Variants in MLPH observed in about 807,000 individuals in gnomAD.
The protein encoded by MLPH is exophilin-3.
Under a neutral mutation model 72.1 loss-of-function variants are expected in MLPH, and 51 were observed. That is an observed-to-expected ratio of 0.71 (90% CI 0.56 to 0.89). The LOEUF (loss-of-function observed/expected upper bound fraction) is 0.89. Among genes scored for constraint, MLPH ranks in the 40% least tolerant of loss-of-function variants. The pLI, the probability that MLPH is intolerant of heterozygous loss-of-function variation, is 0.00. For synonymous variants in MLPH, 301 were observed against 310.1 expected, an observed-to-expected ratio of 0.97 and a Z score of 0.31; for missense variants, 743 against 759.9, an observed-to-expected ratio of 0.98 and a Z score of 0.26.
intron 7 of MLPH, among the ~76,000 whole-genome samples, chr2:237,526,641 G>T (rs1013859382): frequency 1.2e-4 from 19 of 152,188 alleles, no homozygotes; most frequent in African/African-American, 4.6e-4. Flanking sequence ...GCAGTCTGGG[G>T]GAGAGGCCAT....
intron 2 of MLPH, among the ~76,000 whole-genome samples, chr2:237,496,233 G>A (rs1310876842): frequency 6.6e-6 from 1 of 152,182 alleles, no homozygotes; most frequent in Non-Finnish European, 1.5e-5. Context: ...GGCGAATGCA[G>A]AGAAATGGAA....
chr2:237,540,663 G>A (rs2080657460), intron 10 of MLPH, 130 bp downstream of exon 10: 1 of 1,493,766 alleles, frequency 6.7e-7, no homozygotes, highest in African/African-American at 1.4e-5. Context: ...CCTTGATGGG[G>A]TCTGCAGCGG....
intron 4 of MLPH, among the ~76,000 whole-genome samples, chr2:237,513,824 G>A (rs541374782): frequency 1.3e-4 from 20 of 152,258 alleles, no homozygotes; most frequent in Non-Finnish European, 2.2e-4. Context: ...TCTCCTCAAG[G>A]CACTCACTGT....
intron 8 of MLPH, among the ~76,000 whole-genome samples, chr2:237,530,678 G>T (rs1052987653): frequency 5.3e-5 from 8 of 152,218 alleles, no homozygotes; most frequent in African/African-American, 1.4e-4. Flanking sequence ...GACAAGGCCT[G>T]CGTGAAGACT....
At chr2:237,521,928 G>A (rs2080193965) in intron 6 of MLPH, among the ~76,000 whole-genome samples, 1 of 114,894 alleles carries the variant, frequency 8.7e-6, no homozygotes, top group African/African-American at 3.5e-5. Flanking sequence ...TAGTGCTGGA[G>A]CGGAGCAGGG....
intron 6 of MLPH, 134 bp from the exon 7 acceptor site, chr2:237,525,467 C>A (rs137894445): frequency 3.7e-6 from 3 of 807,780 alleles, no homozygotes; most frequent in Non-Finnish European, 6.3e-6. Context: ...CAGGGGCCAG[C>A]GCAGATGGGT....
intron 8 of MLPH, chr2:237,527,758 T>C (rs2080335412): frequency 1.8e-6 from 1 of 555,124 alleles, no homozygotes; most frequent in Non-Finnish European, 3.2e-6. Context: ...TTCCATAGGA[T>C]CCAACAATTC....
Position 237,534,630 on chromosome 2 carries a change from G to C in MLPH, c.1087G>C (p.Val363Leu), listed in dbSNP as rs1315543167. 7 of 1,613,810 alleles carry C rather than the reference G, an allele frequency of 4.3e-6. No individual in the cohort carries two copies. The highest frequency in any genetic ancestry group is 2.7e-5 in the African/African-American group (2 of 74,932). Residue 363 changes from valine (V) to leucine (L), a missense_variant, in exon 9 of 16, where the codon GTG becomes CTG. Val to Leu is a conservative substitution (Grantham distance 32). Coordinates refer to ENST00000264605, the MANE Select transcript of MLPH (RefSeq NM_024101.7). ...GCTGACCTACCTGGAGAACACAGTT[G>C]TGCCTCCCTTGGCCAAGGTAACACT... Reference protein sequence around the residue: ...CLLTYLENTVVPPLAKGLGAG... With the variant: ...CLLTYLENTVLPPLAKGLGAG...
intron 2 of MLPH, among the ~76,000 whole-genome samples, chr2:237,503,831 C>G (rs534830994): frequency 3.9e-5 from 6 of 152,120 alleles, no homozygotes; most frequent in Non-Finnish European, 8.8e-5. Context: ...TAATCCCCCC[C>G]AAAAAGATGT....
At chr2:237,522,633 A>G (rs2080213879) in intron 6 of MLPH, among the ~76,000 whole-genome samples, 2 of 150,990 alleles carry the variant, frequency 1.3e-5, no homozygotes, top group East Asian at 2.0e-4. Flanking sequence ...TGGGCCTTCA[A>G]ACACCTGCTG....
chr2:237,510,636 A>G lies in MLPH; in HGVS notation c.173A>G (p.His58Arg). The G allele has an allele frequency of 6.2e-7, 1 of 1,613,778 alleles. No individual in the cohort carries two copies. The highest frequency in any genetic ancestry group is 8.5e-7 in the Non-Finnish European group (1 of 1,180,052). Residue 58 changes from histidine to arginine, a missense_variant, in exon 3 of 16, where the codon CAT becomes CGT. Physicochemically the swap from His to Arg is conservative, Grantham distance 29. Coordinates refer to ENST00000264605, the MANE Select transcript of MLPH (RefSeq NM_024101.7). The surrounding 1 kb of genome is among the most constrained non-coding windows in gnomAD (Gnocchi z 4.4). ...AGGGAGCTGCTTTCCGACACTGCCC[A>G]TCTGAACGAGACCCACTGCGCCCGC... is the stretch of plus-strand genomic sequence containing the variant. The part of the protein sequence containing the change: ...SKRELLSDTA[H>R]LNETHCARCL...
intron 4 of MLPH, among the ~76,000 whole-genome samples, chr2:237,511,786 C>T (rs1001248488): frequency 6.6e-6 from 1 of 152,120 alleles, no homozygotes; most frequent in Admixed American, 6.6e-5. Flanking sequence ...ATTTGAAATC[C>T]AGGCAGTAGG....
rs770000644 is a variant in MLPH, at chr2:237,541,693, T to C, written c.1446+736T>C. 1.9e-4 allele frequency among the ~76,000 whole-genome samples: 29 copies of C among 152,228 alleles called. No homozygotes were observed. The highest frequency in any genetic ancestry group is 3.7e-4 in the Non-Finnish European group (25 of 68,036). On this transcript the variant is annotated intron_variant, in intron 11 of 15. Coordinates refer to ENST00000264605, the MANE Select transcript of MLPH (RefSeq NM_024101.7). The surrounding 1 kb of genome is among the most constrained non-coding windows in gnomAD (Gnocchi z 5.1). The stretch of plus-strand genomic sequence containing the variant: ...TTAAATGCCTAGAATGTAGCCCACA[T>C]TGTGTAGGCCACGGAAGATCTGGTG...
intron 6 of MLPH, among the ~76,000 whole-genome samples, chr2:237,524,832 G>A (rs1265790483): frequency 6.6e-6 from 1 of 152,184 alleles, no homozygotes; most frequent in Non-Finnish European, 1.5e-5. Flanking sequence ...AGCATCCCCT[G>A]GGCACAGGCA....
chr2:237,510,769 G>C lies in MLPH; in HGVS notation c.306G>C (p.Trp102Cys), dbSNP rs745858135. ...CGRVHPEEQG[W>C]ICDPCHLARV... ...GCGTCCACCCGGAGGAGCAGGGCTG[G>C]ATCTGTGACCCCTGCCATCTGGCCA... Residue 102 changes from tryptophan (W) to cysteine (C), a missense_variant, in exon 3 of 16, where the codon TGG becomes TGC. Trp to Cys is a radical substitution (Grantham distance 215). Coordinates refer to ENST00000264605, the MANE Select transcript of MLPH (RefSeq NM_024101.7). This position sits in a 1 kb window ranked among gnomAD's most constrained non-coding sequence, Gnocchi z 4.4. 6.2e-7 allele frequency: 1 copy of C among 1,613,568 alleles called. No homozygotes were observed. The highest frequency in any genetic ancestry group is 1.1e-5 in the South Asian group (1 of 91,078).
intron 4 of MLPH, among the ~76,000 whole-genome samples, chr2:237,516,939 G>GGATGGATGGGTGGATA (rs2080041524): frequency 1.4e-5 from 2 of 145,554 alleles, no homozygotes; most frequent in Admixed American, 6.7e-5. Context: ...ATGGATGGAT[G>GGATGGATGGGTGGATA]GATAGGTGGA....
chr2:237,546,476 G>A, intron 12 of MLPH, 130 bp from the exon 13 acceptor site: 1 of 794,958 alleles, frequency 1.3e-6, no homozygotes, highest in Non-Finnish European at 2.2e-6. Context: ...GGGGGTGGCT[G>A]TGCAGTCCCA....
intron 13 of MLPH, 123 bp from the exon 14 acceptor site, chr2:237,549,098 G>C (rs1413588027): frequency 2.4e-6 from 2 of 816,776 alleles, no homozygotes; most frequent in Admixed American, 4.1e-5. Flanking sequence ...AATATTGCTA[G>C]AGAGCAGAAA....
intron 2 of MLPH, among the ~76,000 whole-genome samples, chr2:237,500,883 C>A (rs1189756485): frequency 6.6e-6 from 1 of 152,030 alleles, no homozygotes; most frequent in Non-Finnish European, 1.5e-5. Context: ...TTGTGGACAC[C>A]ACAGGAATCC....
Sources: gnomAD v4.1 joint callset for allele counts (sites outside exome capture counted in the v4.1 genomes callset) on GRCh38, gnomAD v4.1.1 for gene constraint, Gnocchi (gnomAD v3.1) non-coding constraint, MANE v1.5 for transcripts, NCBI Gene and HGNC (gene_info 2026-07-23, HGNC 2026-07-21) for gene names.